Variants in CYP2F1 observed in about 807,000 individuals in gnomAD.
CYP2F1 encodes cytochrome P450 2F1.
A neutral mutation model predicts 40.4 loss-of-function variants in CYP2F1; 33 were observed. The ratio of observed to expected loss-of-function variants is 0.82; its 90% CI spans 0.62 to 1.09. CYP2F1 has a LOEUF of 1.09. Ranked by LOEUF, CYP2F1 falls within the 50% of genes least tolerant of loss-of-function variation. The pLI, the probability that CYP2F1 is intolerant of heterozygous loss-of-function variation, is 0.00. For synonymous variants in CYP2F1, 235 were observed against 277.2 expected (o/e 0.85, Z 1.51); for missense variants, 566 against 655.7 (o/e 0.86, Z 1.49).
chr19:41,121,769 C>T (rs2032222069), intron 5 of CYP2F1, 151 bp downstream of exon 5: 8 of 977,282 alleles, frequency 8.2e-6, no homozygotes, highest in Non-Finnish European at 1.0e-5. Flanking sequence ...CGGCCACGCC[C>T]ACTCCCCTCC....
Position 41,123,092 on chromosome 19 carries a change from C to A in CYP2F1, c.964+129C>A, listed in dbSNP as rs1298099261. 5 of 1,073,518 alleles carry A rather than the reference C, an allele frequency of 4.7e-6. No individual in the cohort carries two copies. The East Asian group carries it at 1.3e-4, about 28-fold the overall frequency. 66.5% of individuals were successfully genotyped at this position (1,073,518 alleles called of 1,614,324 possible). ...CTGGCACCAGGATTCCACAGCCAAA[C>A]CCACAAACCCACACGGAGGCCGATC... On this transcript the variant is annotated intron_variant, in intron 7 of 9. Coordinates refer to ENST00000331105, the MANE Select transcript of CYP2F1 (RefSeq NM_000774.5).
At chr19:41,115,659 AATAG>A (rs1348866703) in intron 1 of CYP2F1, among the ~76,000 whole-genome samples, 1 of 152,142 alleles carries the variant, frequency 6.6e-6, no homozygotes, top group Non-Finnish European at 1.5e-5. Flanking sequence ...ATGATAGAAG[AATAG>A]ATAGATGATG....
rs1193034897 is a variant in CYP2F1 at position 41,122,971 on chromosome 19, C to T, written c.964+8C>T. The T allele has an allele frequency of 1.2e-6, 2 of 1,611,560 alleles. No individual in the cohort carries two copies. Among genetic ancestry groups the T allele is most frequent in the Admixed American group, 1.7e-5 (1 of 59,588 alleles). On this transcript the variant is annotated splice_region_variant and intron_variant, in intron 7 of 9. Coordinates refer to ENST00000331105, the MANE Select transcript of CYP2F1 (RefSeq NM_000774.5). ...AGTACCCAAAAGTTCAAGGTGAGGCCCACCCACACAGCAGCGTGGAGGTGC... is the reference window on the plus strand; with the variant it reads ...AGTACCCAAAAGTTCAAGGTGAGGCTCACCCACACAGCAGCGTGGAGGTGC...
In CYP2F1 at chr19:41,122,779, GC is replaced by G. The variant is rs749467611; in HGVS notation, c.823-41del. 60 of 1,510,292 alleles carry G rather than the reference GC, an allele frequency of 4.0e-5. 1 individual carries two copies. The highest frequency in any genetic ancestry group is 1.8e-4 in the Middle Eastern group (1 of 5,596). The allele number at this position is 1,510,292 out of a possible 1,614,324, so 93.6% of individuals were successfully genotyped here. Reference sequence around the variant, plus strand: ...AGTTGTACTGGTCTAGAGTGAAGGGGCCTCCATTCCTGGCTCACATCCCCAC... The same window carrying G: ...AGTTGTACTGGTCTAGAGTGAAGGGGCTCCATTCCTGGCTCACATCCCCAC... On this transcript the variant is annotated intron_variant, in intron 6 of 9. Coordinates refer to ENST00000331105, the MANE Select transcript of CYP2F1 (RefSeq NM_000774.5).
At chr19:41,124,256 T>C (rs305977) in intron 7 of CYP2F1, among the ~76,000 whole-genome samples, 2,987 of 16,310 alleles carry the variant, frequency 0.18, 161 homozygotes, top group Middle Eastern at 0.33. Flanking sequence ...CCCCCCCCCC[T>C]TTTTTTTTTT....
intron 3 of CYP2F1, among the ~76,000 whole-genome samples, chr19:41,118,434 T>C (rs931846973): frequency 6.6e-6 from 1 of 152,074 alleles, no homozygotes; most frequent in Non-Finnish European, 1.5e-5. Flanking sequence ...ATTAGATGGG[T>C]CCCAGCTGCC....
chr19:41,128,234 C>A lies in CYP2F1; in HGVS notation c.*152C>A. On this transcript the variant is annotated 3_prime_UTR_variant, in exon 10 of 10. Coordinates refer to ENST00000331105, the MANE Select transcript of CYP2F1 (RefSeq NM_000774.5). ...GCCTGCCGCGTGCCCTTCCCCCATC[C>A]CTCCAATCTGTGCCCCGTCTGCAGG... 2.9e-6 allele frequency: 2 copies of A among 688,636 alleles called. No individual in the cohort carries two copies. The highest frequency in any genetic ancestry group is 4.7e-6 in the Non-Finnish European group (2 of 427,540). 42.7% of individuals were successfully genotyped at this position (688,636 alleles called of 1,614,324 possible). A position where few individuals can be genotyped will look rare whatever the true frequency, so the allele number is the denominator to read the frequency against.
chr19:41,115,887 G>A (rs2144744310), intron 1 of CYP2F1, among the ~76,000 whole-genome samples: 1 of 152,024 alleles, frequency 6.6e-6, no homozygotes, highest in South Asian at 2.1e-4. Flanking sequence ...CTGTTTTTCT[G>A]TCTCTCTCAT....
chr19:41,119,865 C>T (rs1213748488), intron 3 of CYP2F1, among the ~76,000 whole-genome samples: 1 of 150,472 alleles, frequency 6.6e-6, no homozygotes, highest in Non-Finnish European at 1.5e-5. Context: ...CACCTGAACC[C>T]GGGAGGCGGA....
chr19:41,118,024 A>AT (rs1381877978), intron 3 of CYP2F1, among the ~76,000 whole-genome samples: 1 of 151,768 alleles, frequency 6.6e-6, no homozygotes, highest in African/African-American at 2.4e-5. Flanking sequence ...TAATTTTTGT[A>AT]TTTTTAGTAG....
intron 8 of CYP2F1, 144 bp from the exon 9 acceptor site, chr19:41,125,349 T>G (rs1047193602): frequency 1.7e-6 from 1 of 597,450 alleles, no homozygotes; most frequent in Non-Finnish European, 3.0e-6. Flanking sequence ...CCACACATAT[T>G]TCCTTGGCCC....
chr19:41,122,881 C>G lies in CYP2F1; in HGVS notation c.882C>G (p.Asn294Lys). 8.8e-6 allele frequency: 14 copies of G among 1,595,468 alleles called. No homozygotes were observed. The highest frequency in any genetic ancestry group is 1.2e-5 in the Non-Finnish European group (14 of 1,170,010). Residue 294 changes from asparagine (N) to lysine (K), a missense_variant, in exon 7 of 10, where the codon AAC becomes AAG. Asn to Lys is a moderately conservative substitution (Grantham distance 94). Transcript: ENST00000331105. ...ATACCCTGCTGATGACCACACATAA[C>G]CTGCTCTTTGGCGGCACCAAGACGG... The part of the protein sequence containing the change: ...HMDTLLMTTH[N>K]LLFGGTKTVS...
chr19:41,115,440 G>C (rs1352004557), intron 1 of CYP2F1, among the ~76,000 whole-genome samples: 2 of 151,834 alleles, frequency 1.3e-5, no homozygotes, highest in African/African-American at 4.8e-5. Context: ...GTGCTCTCTG[G>C]CTCTCCCTAT....
In CYP2F1 at chr19:41,123,114, G is replaced by A. The variant is rs745710850; in HGVS notation, c.964+151G>A. 70 of 871,542 alleles carry A rather than the reference G, an allele frequency of 8.0e-5. No individual in the cohort carries two copies. The African/African-American group carries it at 8.3e-4, about 10-fold the overall frequency. 54.0% of individuals were successfully genotyped at this position (871,542 alleles called of 1,614,324 possible). A position where few individuals can be genotyped will look rare whatever the true frequency, so the allele number is the denominator to read the frequency against. ...AAACCCACAAACCCACACGGAGGCC[G>A]ATCCCACCACATGGCCCATGAGGTC... is the stretch of plus-strand genomic sequence containing the variant. On this transcript the variant is annotated intron_variant, in intron 7 of 9. Coordinates refer to ENST00000331105, the MANE Select transcript of CYP2F1 (RefSeq NM_000774.5).
intron 7 of CYP2F1, among the ~76,000 whole-genome samples, chr19:41,124,244 T>C (rs1195666068): frequency 4.5e-4 from 15 of 32,978 alleles, no homozygotes; most frequent in African/African-American, 8.4e-4. Flanking sequence ...TTTTTTCCTC[T>C]TCCCCCCCCC....
In CYP2F1 at chr19:41,116,328, G is replaced by T; in HGVS notation, c.140G>T (p.Cys47Phe). The T allele has an allele frequency of 1.2e-6, 2 of 1,614,124 alleles. No individual in the cohort carries two copies. Among genetic ancestry groups the T allele is most frequent in the Non-Finnish European group, 1.7e-6 (2 of 1,180,018 alleles). ...ATCCTGGGAAACCTGCTGCTGCTTT[G>T]CTCCCAAGACATGCTGACTTCTCTC... ...LSILGNLLLL[C>F]SQDMLTSLTK... is the part of the protein sequence containing the mutation. The change falls in exon 2 of 10, where the codon TGC becomes TTC. Residue 47 changes from cysteine (C) to phenylalanine (F), a missense_variant. By Grantham distance (205) the Cys-to-Phe change is radical. Around this residue, in one of 5 missense-constraint regions of CYP2F1, gnomAD observed 264 missense variants for 275.7 expected, o/e 0.96. Coordinates refer to ENST00000331105, the MANE Select transcript of CYP2F1 (RefSeq NM_000774.5).
rs937837637 is a variant in CYP2F1 at position 41,116,369 on chromosome 19, C to T, written c.171+10C>T. The T allele has an allele frequency of 1.9e-6, 3 of 1,613,182 alleles. No homozygotes were observed. The East Asian group carries it at 6.7e-5, about 36-fold the overall frequency. ...GACTTCTCTCACTAAGGTGCAAGGCCCTTAGCTTGGGTGATGGTGGAAGGA... is the reference window on the plus strand; with the variant it reads ...GACTTCTCTCACTAAGGTGCAAGGCTCTTAGCTTGGGTGATGGTGGAAGGA... On this transcript the variant is annotated intron_variant, in intron 2 of 9. Transcript: ENST00000331105.
chr19:41,122,073 C>T lies in CYP2F1; in HGVS notation c.762C>T (p.Ala254=). The change falls in exon 6 of 10, where the codon GCC becomes GCT. Residue 254 remains alanine, a synonymous_variant. Transcript: ENST00000331105. ...CCCACAGCGTCCACGACCACCAGGC[C>T]TCGCTAGACCCCAGATCTCCCCGGG... ...LIAHSVHDHQ[A]SLDPRSPRDF... 6.2e-7 allele frequency: 1 copy of T among 1,602,758 alleles called. No homozygotes were observed. Among genetic ancestry groups the T allele is most frequent in the Non-Finnish European group, 8.5e-7 (1 of 1,172,274 alleles).
chr19:41,127,341 T>A (rs2032583333), intron 9 of CYP2F1, among the ~76,000 whole-genome samples: 1 of 152,084 alleles, frequency 6.6e-6, no homozygotes, highest in African/African-American at 2.4e-5. Flanking sequence ...TATCCCTCCT[T>A]TTATTTTTCT....
Sources: gnomAD v4.1 joint callset for allele counts (sites outside exome capture counted in the v4.1 genomes callset) on GRCh38, gnomAD v4.1.1 for gene constraint, gnomAD v4.1.1 regional missense constraint, MANE v1.5 for transcripts, NCBI Gene and HGNC (gene_info 2026-07-23, HGNC 2026-07-21) for gene names.